The following KL variants were observed in gnomAD, a reference collection of about 807,000 sequenced individuals.
KL encodes alpha-klotho.
KL carries 62 observed loss-of-function variants against 84.2 expected under a neutral mutation model. The ratio of observed to expected loss-of-function variants is 0.74; its 90% CI spans 0.60 to 0.91. The LOEUF (loss-of-function observed/expected upper bound fraction) is 0.91, where lower values mean the gene tolerates loss of function less well. Among genes scored for constraint, KL ranks in the 40% least tolerant of loss-of-function variants. The probability of loss-of-function intolerance (pLI) is 0.00; values close to 1 mark genes in which losing one functional copy is unlikely to be tolerated. For synonymous variants in KL, 528 were observed against 528.0 expected, an observed-to-expected ratio of 1.00 and a Z score of 0.00; for missense variants, 1,261 against 1,305.7, an observed-to-expected ratio of 0.97 and a Z score of 0.53.
At position 33,036,849 on chromosome 13, in the gene KL, CAAAAT is replaced by C. The variant is rs558097872; in HGVS notation, c.820-16909_820-16905del. ...TTGTGTATGTTTTACCACAGTAAAA[CAAAAT>C]AAAATAAACCTATTATTGATCTTAT... On this transcript the variant is annotated intron_variant, in intron 1 of 4. Transcript: ENST00000380099. 2.6e-3 allele frequency among the ~76,000 whole-genome samples: 401 copies of C among 152,088 alleles called. 1 individual carries two copies. The highest frequency in any genetic ancestry group is 8.9e-3 in the African/African-American group (370 of 41,504).
chr13:33,064,274 CT>C lies in KL; in HGVS notation c.*89del. 9.8e-7 allele frequency: 1 copy of C among 1,024,370 alleles called. No individual in the cohort carries two copies. Among genetic ancestry groups the C allele is most frequent in the South Asian group, 1.5e-5 (1 of 67,472 alleles). The allele number at this position is 1,024,370 out of a possible 1,614,324, so 63.5% of individuals were successfully genotyped here. A position where few individuals can be genotyped will look rare whatever the true frequency, so the allele number is the denominator to read the frequency against. On this transcript the variant is annotated 3_prime_UTR_variant, in exon 5 of 5. Coordinates refer to ENST00000380099, the MANE Select transcript of KL (RefSeq NM_004795.4). ...ATTTGCACCTCTAAGTGTTGTGAAA[CT>C]GTAAATTTCATACATTTGACTTCTA...
At chr13:33,032,571 G>C (rs1158478257) in intron 1 of KL, among the ~76,000 whole-genome samples, 1 of 152,110 alleles carries the variant, frequency 6.6e-6, no homozygotes, top group African/African-American at 2.4e-5. Flanking sequence ...GGAGGAAGTG[G>C]TATGGACTTC....
At chr13:33,059,356 AT>A (rs1351169505) in intron 3 of KL, among the ~76,000 whole-genome samples, 1 of 152,228 alleles carries the variant, frequency 6.6e-6, no homozygotes, top group Non-Finnish European at 1.5e-5. Flanking sequence ...AATCATCATC[AT>A]TGTTACAGAA....
rs117047098 is a variant in KL at position 33,019,441 on chromosome 13, C to T, written c.819+2182C>T. ...ACAGATATAGGGGCCAGTTGTGTTCCGGGATCTGATGTTGGTGAAGGATAA... is the reference window on the plus strand; with the variant it reads ...ACAGATATAGGGGCCAGTTGTGTTCTGGGATCTGATGTTGGTGAAGGATAA... On this transcript the variant is annotated intron_variant, in intron 1 of 4. Transcript: ENST00000380099. Among the ~76,000 whole-genome samples the T allele has an allele frequency of 4.9e-3, 745 of 152,000 alleles. 1 individual carries two copies. The highest frequency in any genetic ancestry group is 6.1e-3 in the Non-Finnish European group (412 of 67,964).
chr13:33,062,255 G>A (rs1482604701), intron 4 of KL, among the ~76,000 whole-genome samples: 3 of 152,036 alleles, frequency 2.0e-5, no homozygotes, highest in Non-Finnish European at 2.9e-5. Flanking sequence ...TGGCATATAC[G>A]CCTGCAGATT....
At chr13:33,032,192 C>A (rs1870996457) in intron 1 of KL, among the ~76,000 whole-genome samples, 1 of 152,202 alleles carries the variant, frequency 6.6e-6, no homozygotes, top group African/African-American at 2.4e-5. Flanking sequence ...CGTCTTTAAC[C>A]TTAATTGACA....
At chr13:33,019,735 G>GAGAC (rs1421811786) in intron 1 of KL, among the ~76,000 whole-genome samples, 2 of 146,630 alleles carry the variant, frequency 1.4e-5, no homozygotes, top group Admixed American at 6.8e-5. Flanking sequence ...GTGTGTGTGA[G>GAGAC]AGAGAGAGAG....
Position 33,017,029 on chromosome 13 carries a change from C to T in KL, c.589C>T (p.Pro197Ser). The T allele has an allele frequency of 1.3e-6, 2 of 1,598,440 alleles. No individual in the cohort carries two copies. The highest frequency in any genetic ancestry group is 1.7e-6 in the Non-Finnish European group (2 of 1,176,334). ...GGTCACCCTGTACCACTGGGACCTG[C>T]CCCAGCGCCTGCAGGACGCCTACGG... The part of the protein sequence containing the change: ...PVVTLYHWDL[P>S]QRLQDAYGGW... Residue 197 changes from proline (P) to serine (S), a missense_variant, in exon 1 of 5, where the codon CCC (proline) becomes TCC (serine). Pro to Ser is a moderately conservative substitution (Grantham distance 74). Coordinates refer to ENST00000380099, the MANE Select transcript of KL (RefSeq NM_004795.4).
intron 4 of KL, 151 bp downstream of exon 4, chr13:33,061,931 A>C (rs1593813307): frequency 1.3e-6 from 1 of 798,726 alleles, no homozygotes; most frequent in East Asian, 2.5e-5. Context: ...AGAGATATCT[A>C]GCATTTCCCC....
At chr13:33,055,013 G>A (rs751614510) in intron 2 of KL, 34 bp from the exon 3 acceptor site, 1 of 1,613,910 alleles carries the variant, frequency 6.2e-7, no homozygotes, top group African/African-American at 1.3e-5. Flanking sequence ...CCAGCGAAGG[G>A]TCATGTTGCT....
intron 1 of KL, among the ~76,000 whole-genome samples, chr13:33,035,950 G>A (rs1871135301): frequency 6.6e-6 from 1 of 152,092 alleles, no homozygotes; most frequent in African/African-American, 2.4e-5. Context: ...TCATTTGAAG[G>A]AAGTTTTTAT....
chr13:33,031,335 G>C (rs922146385), intron 1 of KL, among the ~76,000 whole-genome samples: 1 of 152,168 alleles, frequency 6.6e-6, no homozygotes, highest in Non-Finnish European at 1.5e-5. Flanking sequence ...GGACTTGGAG[G>C]CTGGAAACTT....
chr13:33,053,344 A>G (rs1871822974), intron 1 of KL, among the ~76,000 whole-genome samples: 1 of 152,254 alleles, frequency 6.6e-6, no homozygotes, highest in Admixed American at 6.5e-5. Flanking sequence ...CAGTCTCAGG[A>G]TAAAAAATAT....
chr13:33,017,464 G>A (rs894976799), intron 1 of KL, among the ~76,000 whole-genome samples: 5 of 152,242 alleles, frequency 3.3e-5, no homozygotes, highest in African/African-American at 1.2e-4. Context: ...GCACACGAGT[G>A]AGTGCCCCTT....
At chr13:33,054,580 T>C (rs1254842785) in intron 2 of KL, among the ~76,000 whole-genome samples, 3 of 152,234 alleles carry the variant, frequency 2.0e-5, no homozygotes, top group African/African-American at 7.2e-5. Flanking sequence ...CCAGGATATC[T>C]AGCTCTCTGC....
Position 33,051,520 on chromosome 13 carries a change from G to T in KL, c.820-2247G>T, listed in dbSNP as rs116470205. Among the ~76,000 whole-genome samples the T allele has an allele frequency of 4.6e-3, 707 of 152,106 alleles. 1 individual carries two copies. Among genetic ancestry groups the T allele is most frequent in the African/African-American group, 0.016 (680 of 41,516 alleles). On this transcript the variant is annotated intron_variant, in intron 1 of 4. Transcript: ENST00000380099. ...CACTCCAGTCAGGGTGACAGAGTGA[G>T]ACCCAGTCTTAAAACAAAACAAAAC...
At chr13:33,059,704 C>T (rs551843835) in intron 3 of KL, among the ~76,000 whole-genome samples, 4 of 152,328 alleles carry the variant, frequency 2.6e-5, no homozygotes, top group African/African-American at 9.6e-5. Flanking sequence ...AACTCCTGAT[C>T]TCATGATCTG....
At chr13:33,020,610 G>A (rs1270363238) in intron 1 of KL, among the ~76,000 whole-genome samples, 1 of 152,060 alleles carries the variant, frequency 6.6e-6, no homozygotes, top group South Asian at 2.1e-4. Flanking sequence ...TCTTCCAGTT[G>A]TTGGACCCCG....
intron 1 of KL, among the ~76,000 whole-genome samples, chr13:33,043,594 G>T (rs942567295): frequency 6.6e-6 from 1 of 152,108 alleles, no homozygotes; most frequent in Admixed American, 6.6e-5. Context: ...GCATTTTCCT[G>T]ATAGTGTTGA....
Sources: allele counts gnomAD v4.1 joint callset (sites outside exome capture counted in the v4.1 genomes callset), GRCh38; gene constraint gnomAD v4.1.1; transcripts MANE v1.5; gene names NCBI Gene and HGNC (gene_info 2026-07-23, HGNC 2026-07-21).